Variants in UGT1A9 observed in about 807,000 individuals in gnomAD.
The protein encoded by UGT1A9 is UDP-glucuronosyltransferase 1A9.
UGT1A9 carries 35 observed loss-of-function variants against 45.0 expected under a neutral mutation model. The observed-to-expected ratio is 0.78, with a 90% CI of 0.59 to 1.03. The LOEUF (loss-of-function observed/expected upper bound fraction) is 1.03. UGT1A9 is among the 50% of genes least tolerant of loss of function. UGT1A9 has a pLI of 0.00. For missense variants in UGT1A9, 687 were observed against 666.6 expected, an observed-to-expected ratio of 1.03 and a Z score of -0.34; for synonymous variants, 278 against 250.6, an observed-to-expected ratio of 1.11 and a Z score of -1.03.
chr2:233,743,534 T>C, intron 1 of UGT1A9: 1 of 1,367,218 alleles, frequency 7.3e-7, no homozygotes, highest in Non-Finnish European at 9.8e-7. Flanking sequence ...CCCCAGCAGT[T>C]CCTCTGACCC....
intron 1 of UGT1A9, among the ~76,000 whole-genome samples, chr2:233,698,808 C>T (rs1044678643): frequency 1.3e-5 from 2 of 152,216 alleles, no homozygotes; most frequent in African/African-American, 4.8e-5. Flanking sequence ...CTCCCAGCCT[C>T]GCCTTGTGGA....
intron 1 of UGT1A9, chr2:233,756,307 C>T (rs1373805537): frequency 6.6e-6 from 1 of 152,200 alleles, no homozygotes; most frequent in Non-Finnish European, 1.5e-5. Context: ...ATATAACCTA[C>T]CCATATCCTC....
chr2:233,755,087 T>C (rs758822469), intron 1 of UGT1A9: 3 of 1,335,764 alleles, frequency 2.2e-6, no homozygotes, highest in South Asian at 1.1e-5. Flanking sequence ...AGATATCGCG[T>C]TTCTACGCGT....
intron 1 of UGT1A9, among the ~76,000 whole-genome samples, chr2:233,732,898 G>T (rs1347576081): frequency 6.6e-6 from 1 of 151,914 alleles, no homozygotes; most frequent in Non-Finnish European, 1.5e-5. Context: ...AATTACCTTG[G>T]GCAGTATGGC....
intron 1 of UGT1A9, among the ~76,000 whole-genome samples, chr2:233,723,516 CTTTTT>C (rs1162916866): frequency 9.4e-5 from 8 of 85,396 alleles, no homozygotes; most frequent in South Asian, 1.1e-3. Context: ...GGTCAACAAT[CTTTTT>C]TTTTTTTTTT....
chr2:233,702,396 T>TTATC (rs1241855388), intron 1 of UGT1A9, among the ~76,000 whole-genome samples: 1 of 152,220 alleles, frequency 6.6e-6, no homozygotes, highest in Non-Finnish European at 1.5e-5. Flanking sequence ...CCAGATCATG[T>TTATC]TATCTACAAA....
At position 233,700,669 on chromosome 2, in the gene UGT1A9, C is replaced by A. The variant is rs542466137; in HGVS notation, c.855+27880C>A. Among the ~76,000 whole-genome samples, 10 of 152,082 alleles carry A rather than the reference C, an allele frequency of 6.6e-5. No individual in the cohort carries two copies. In the East Asian group the frequency reaches 1.9e-3, roughly 29 times the overall value. On this transcript the variant is annotated intron_variant, in intron 1 of 4. Coordinates refer to ENST00000354728, the MANE Select transcript of UGT1A9 (RefSeq NM_021027.3). ...GTTTACATATTTCTACTTTTCAGCA[C>A]AAATTCGTGATAATATATAAACTAC... is the stretch of plus-strand genomic sequence containing the variant.
chr2:233,711,755 CA>C (rs1023475863), intron 1 of UGT1A9, among the ~76,000 whole-genome samples: 2 of 152,204 alleles, frequency 1.3e-5, no homozygotes, highest in Non-Finnish European at 2.9e-5. Context: ...GGCATGTAGA[CA>C]CAGAGGAAGT....
Position 233,769,931 on chromosome 2 carries a change from C to A in UGT1A9, c.1295+1492C>A, listed in dbSNP as rs1699987343. 1 of 247,432 alleles carries A rather than the reference C, an allele frequency of 4.0e-6. No homozygotes were observed. Among genetic ancestry groups the A allele is most frequent in the Admixed American group, 5.3e-5 (1 of 18,974 alleles). The allele number at this position is 247,432 out of a possible 1,614,324, so 15.3% of individuals were successfully genotyped here. A position where few individuals can be genotyped will look rare whatever the true frequency, so the allele number is the denominator to read the frequency against. On this transcript the variant is annotated intron_variant, in intron 4 of 4. Transcript: ENST00000354728. The surrounding 1 kb of genome is among the most constrained non-coding windows in gnomAD (Gnocchi z 4.4). Reference sequence around the variant, plus strand: ...CCCAGAGCGTTGGGTGGTGTGGTCCCATTCCTTCCTTCCAGCGGCTTCTTC... The same window carrying A: ...CCCAGAGCGTTGGGTGGTGTGGTCCAATTCCTTCCTTCCAGCGGCTTCTTC...
At chr2:233,717,422 G>A (rs1452030789) in intron 1 of UGT1A9, among the ~76,000 whole-genome samples, 1 of 152,202 alleles carries the variant, frequency 6.6e-6, no homozygotes, top group African/African-American at 2.4e-5. Context: ...CTTGAGCTGG[G>A]TGTCCCTCTG....
intron 1 of UGT1A9, chr2:233,755,248 G>T: frequency 2.4e-6 from 2 of 834,922 alleles, no homozygotes; most frequent in Non-Finnish European, 3.6e-6. Flanking sequence ...GGTACTCCCA[G>T]CACCTCGTAG....
intron 1 of UGT1A9, among the ~76,000 whole-genome samples, chr2:233,762,934 A>G (rs2126001089): frequency 6.6e-6 from 1 of 152,358 alleles, no homozygotes; most frequent in Middle Eastern, 3.4e-3. Context: ...CTCTAAAAAC[A>G]GTTGAATAAT....
rs759406667 is a variant in UGT1A9 at position 233,713,458 on chromosome 2, T to G, written c.855+40669T>G. ...GTGGTTCTAACAGACCCCTTTCACC[T>G]CTGCGCGGCGGTGCTGGCTAAGTAC... On this transcript the variant is annotated intron_variant, in intron 1 of 4. Coordinates refer to ENST00000354728, the MANE Select transcript of UGT1A9 (RefSeq NM_021027.3). 4 of 1,614,140 alleles carry G rather than the reference T, an allele frequency of 2.5e-6. No homozygotes were observed. The Admixed American group carries it at 6.7e-5, about 27-fold the overall frequency.
At chr2:233,681,628 A>G (rs1311790915) in intron 1 of UGT1A9, among the ~76,000 whole-genome samples, 2 of 151,968 alleles carry the variant, frequency 1.3e-5, no homozygotes, top group Non-Finnish European at 2.9e-5. Context: ...TTATCTTTCA[A>G]TGTCGTCAAG....
chr2:233,743,455 A>G (rs781319015), intron 1 of UGT1A9: 2 of 1,366,026 alleles, frequency 1.5e-6, no homozygotes, highest in Non-Finnish European at 9.8e-7. Flanking sequence ...AAAAGAAGAA[A>G]AAACACCCCC....
intron 3 of UGT1A9, 127 bp downstream of exon 3, chr2:233,768,063 T>A (rs1012824630): frequency 1.3e-6 from 2 of 1,599,680 alleles, no homozygotes; most frequent in African/African-American, 2.7e-5. Context: ...CATTGCTTTT[T>A]ATCTAGTGGG....
intron 1 of UGT1A9, chr2:233,761,074 G>C (rs1315793944): frequency 1.2e-6 from 2 of 1,614,148 alleles, no homozygotes; most frequent in Admixed American, 1.7e-5. Context: ...CTTTGTGAAG[G>C]ATTACCCTAG....
chr2:233,675,067 G>T (rs2074308217), intron 1 of UGT1A9, among the ~76,000 whole-genome samples: 2 of 152,190 alleles, frequency 1.3e-5, no homozygotes, highest in Admixed American at 6.5e-5. Flanking sequence ...AGGTGTGTTT[G>T]TGTGCAGTGT....
At chr2:233,705,268 G>T (rs545521237) in intron 1 of UGT1A9, among the ~76,000 whole-genome samples, 50 of 152,210 alleles carry the variant, frequency 3.3e-4, no homozygotes, top group African/African-American at 1.1e-3. Flanking sequence ...GGGGTCACTT[G>T]CTTTCAACCT....
Sources: gnomAD v4.1 joint callset for allele counts (sites outside exome capture counted in the v4.1 genomes callset) on GRCh38, gnomAD v4.1.1 for gene constraint, Gnocchi (gnomAD v3.1) non-coding constraint, MANE v1.5 for transcripts, NCBI Gene and HGNC (gene_info 2026-07-23, HGNC 2026-07-21) for gene names.